Variants in EPM2A observed in about 807,000 individuals in gnomAD.
EPM2A encodes the protein EPM2A glucan phosphatase, laforin, also known as laforin.
EPM2A carries 21 observed loss-of-function variants against 26.5 expected under a neutral mutation model. The ratio of observed to expected loss-of-function variants is 0.79; its 90% CI spans 0.56 to 1.14. The LOEUF (loss-of-function observed/expected upper bound fraction) is 1.14, where lower values mean the gene tolerates loss of function less well. Ranked by LOEUF, EPM2A falls within the 50% of genes most tolerant of loss-of-function variation. EPM2A has a pLI of 0.00. For missense variants in EPM2A, 458 were observed against 440.8 expected (o/e 1.04, Z -0.35); for synonymous variants, 217 against 177.6 (o/e 1.22, Z -1.76).
intron 4 of EPM2A, among the ~76,000 whole-genome samples, chr6:145,390,563 T>TTC (rs61299104): frequency 0.017 from 2,474 of 148,624 alleles, 53 homozygotes; most frequent in African/African-American, 0.052. Context: ...TGCATGCACA[T>TTC]TCTCTCTCTC....
At chr6:145,472,435 G>A (rs144504172) in intron 4 of EPM2A, among the ~76,000 whole-genome samples, 23 of 149,254 alleles carry the variant, frequency 1.5e-4, no homozygotes, top group African/African-American at 5.9e-4. Context: ...TCATAGCCAC[G>A]GGGGGTAGAG....
At chr6:145,479,596 T>G (rs972938025) in intron 4 of EPM2A, among the ~76,000 whole-genome samples, 2 of 152,048 alleles carry the variant, frequency 1.3e-5, no homozygotes, top group Non-Finnish European at 2.9e-5. Flanking sequence ...TTGTAGCATG[T>G]TTCAGAACTT....
chr6:145,425,905 A>G (rs943551414), intron 4 of EPM2A, among the ~76,000 whole-genome samples: 9 of 152,200 alleles, frequency 5.9e-5, no homozygotes, highest in Admixed American at 2.0e-4. Flanking sequence ...CCAAGTCTCA[A>G]TGTGATCAAT....
chr6:145,662,745 A>G (rs1337832027), intron 2 of EPM2A, among the ~76,000 whole-genome samples: 1 of 152,180 alleles, frequency 6.6e-6, no homozygotes, highest in Non-Finnish European at 1.5e-5. Flanking sequence ...GTTGAGGATA[A>G]TGGAAAATGA....
intron 1 of EPM2A, among the ~76,000 whole-genome samples, chr6:145,694,066 T>C (rs1781432903): frequency 6.6e-6 from 1 of 152,038 alleles, no homozygotes; most frequent in South Asian, 2.1e-4. Context: ...TGAAATTATA[T>C]TGGTTAAATA....
At chr6:145,634,069 T>C (rs953478165) in intron 3 of EPM2A, among the ~76,000 whole-genome samples, 4 of 152,156 alleles carry the variant, frequency 2.6e-5, no homozygotes, top group Non-Finnish European at 4.4e-5. Flanking sequence ...TAATATACAT[T>C]TGGGGGAAGA....
intron 4 of EPM2A, among the ~76,000 whole-genome samples, chr6:145,492,517 C>T (rs892767978): frequency 1.2e-4 from 18 of 152,032 alleles, no homozygotes; most frequent in South Asian, 6.2e-4. Flanking sequence ...TCATTGTGAC[C>T]GCCTTCATCC....
intron 2 of EPM2A, among the ~76,000 whole-genome samples, chr6:145,503,216 T>C (rs1239820935): frequency 6.6e-6 from 1 of 152,168 alleles, no homozygotes; most frequent in Non-Finnish European, 1.5e-5. Flanking sequence ...TTTAAAAATT[T>C]TTTATTGTGT....
chr6:145,385,715 A>G (rs1215481080), intron 4 of EPM2A, among the ~76,000 whole-genome samples: 1 of 152,188 alleles, frequency 6.6e-6, no homozygotes, highest in Non-Finnish European at 1.5e-5. Context: ...ATCGTATTTA[A>G]GACAATGAGT....
At chr6:145,442,530 A>T (rs1779078292) in intron 4 of EPM2A, among the ~76,000 whole-genome samples, 1 of 151,428 alleles carries the variant, frequency 6.6e-6, no homozygotes, top group African/African-American at 2.4e-5. Flanking sequence ...GTGAGACTTA[A>T]TCACCACCAT....
chr6:145,487,491 A>G (rs1779693841), intron 4 of EPM2A, among the ~76,000 whole-genome samples: 1 of 152,170 alleles, frequency 6.6e-6, no homozygotes, highest in Admixed American at 6.5e-5. Context: ...TCTCTGCAAC[A>G]TCGCCAGCAT....
chr6:145,417,761 G>A (rs1046533752), intron 4 of EPM2A, among the ~76,000 whole-genome samples: 4 of 152,150 alleles, frequency 2.6e-5, no homozygotes, highest in Admixed American at 1.3e-4. Context: ...TGAGGCGGCT[G>A]CCCCCAGACT....
intron 2 of EPM2A, among the ~76,000 whole-genome samples, chr6:145,536,996 G>A (rs1221223737): frequency 1.3e-5 from 2 of 152,136 alleles, no homozygotes; most frequent in African/African-American, 4.8e-5. Context: ...CATCCTATGT[G>A]ATTGGCTAGG....
At chr6:145,551,627 T>C (rs149356929) in intron 2 of EPM2A, among the ~76,000 whole-genome samples, 278 of 152,146 alleles carry the variant, frequency 1.8e-3, no homozygotes, top group African/African-American at 6.0e-3. Flanking sequence ...AGAATTACAT[T>C]TAAAATGTTT....
At chr6:145,634,929 C>T (rs1303332540) in intron 3 of EPM2A, among the ~76,000 whole-genome samples, 1 of 152,110 alleles carries the variant, frequency 6.6e-6, no homozygotes, top group African/African-American at 2.4e-5. Flanking sequence ...TTTGCCATCC[C>T]TATAGGACAA....
Position 145,626,428 on chromosome 6 carries a change from A to G in EPM2A, c.*988T>C, listed in dbSNP as rs1775811986. ...CATGAATTTCCACTCTGGTCTTAAA[A>G]CAGCCCATCATGTTTTTAAATTAGC... On this transcript the variant is annotated 3_prime_UTR_variant, in exon 4 of 4. Coordinates refer to ENST00000367519, the MANE Select transcript of EPM2A (RefSeq NM_005670.4). 5 of 985,796 alleles carry G rather than the reference A, an allele frequency of 5.1e-6. No homozygotes were observed. Among genetic ancestry groups the G allele is most frequent in the African/African-American group, 3.5e-5 (2 of 57,232 alleles). 61.1% of individuals were successfully genotyped at this position (985,796 alleles called of 1,614,324 possible).
At chr6:145,687,478 T>C (rs1449388852) in intron 1 of EPM2A, among the ~76,000 whole-genome samples, 3 of 152,114 alleles carry the variant, frequency 2.0e-5, no homozygotes, top group Non-Finnish European at 2.9e-5. Context: ...AAAATTATAA[T>C]TCATACATTA....
chr6:145,558,279 A>G (rs1249808236), intron 2 of EPM2A, among the ~76,000 whole-genome samples: 1 of 152,052 alleles, frequency 6.6e-6, no homozygotes, highest in African/African-American at 2.4e-5. Context: ...GCTTCATGGA[A>G]CTGTGAGTCC....
chr6:145,414,030 T>C (rs907534177), intron 4 of EPM2A, among the ~76,000 whole-genome samples: 5 of 152,136 alleles, frequency 3.3e-5, no homozygotes, highest in African/African-American at 1.2e-4. Flanking sequence ...ACTTGACTGG[T>C]ACTGCCACAA....
Sources: allele counts gnomAD v4.1 joint callset (sites outside exome capture counted in the v4.1 genomes callset), GRCh38; gene constraint gnomAD v4.1.1; transcripts MANE v1.5; gene names NCBI Gene and HGNC (gene_info 2026-07-23, HGNC 2026-07-21).